Variants in TRPM3 observed in about 807,000 individuals in gnomAD.
TRPM3 encodes long transient receptor potential channel 3.
Under a neutral mutation model 181.2 loss-of-function variants are expected in TRPM3, and 77 were observed. The ratio of observed to expected loss-of-function variants is 0.42; its 90% confidence interval spans 0.35 to 0.51. The LOEUF (loss-of-function observed/expected upper bound fraction) is 0.51. Among genes scored for constraint, TRPM3 ranks in the 20% least tolerant of loss-of-function variants. The probability of loss-of-function intolerance (pLI) is 0.01; values close to 1 mark genes in which losing one functional copy is unlikely to be tolerated. For missense variants in TRPM3, 1,759 were observed against 2,196.7 expected (o/e 0.80, Z 3.98); for synonymous variants, 745 against 796.4 (o/e 0.94, Z 1.09).
At chr9:70,787,763 C>CTTTTTTTTTTTTTTTTTTTTTTTCTTTTT in intron 6 of TRPM3, among the ~76,000 whole-genome samples, 1 of 68,558 alleles carries the variant, frequency 1.5e-5, no homozygotes, top group Non-Finnish European at 2.6e-5. Context: ...TTTTTGGATT[C>CTTTTTTTTTTTTTTTTTTTTTTTCTTTTT]TTTTTTTTTT....
chr9:71,359,401 C>T (rs1284838666), intron 1 of TRPM3, among the ~76,000 whole-genome samples: 1 of 152,188 alleles, frequency 6.6e-6, no homozygotes, highest in Non-Finnish European at 1.5e-5. Context: ...GTTACTGAAA[C>T]CTTCACAGAA....
intron 1 of TRPM3, among the ~76,000 whole-genome samples, chr9:71,372,135 T>A (rs1323653327): frequency 6.6e-6 from 1 of 152,192 alleles, no homozygotes; most frequent in Non-Finnish European, 1.5e-5. Context: ...ACTCCATCCA[T>A]GTCCCTGCAA....
At chr9:71,151,774 A>G (rs369492308) in intron 1 of TRPM3, among the ~76,000 whole-genome samples, 1 of 152,118 alleles carries the variant, frequency 6.6e-6, no homozygotes, top group Non-Finnish European at 1.5e-5. Context: ...AGTAGCCACT[A>G]AAAAAGAATA....
chr9:70,841,587 C>T lies in TRPM3; in HGVS notation c.801+1416G>A, dbSNP rs112904710. Among the ~76,000 whole-genome samples, 708 of 136,510 alleles carry T rather than the reference C, an allele frequency of 5.2e-3. 10 individuals carry two copies. Among genetic ancestry groups the T allele is most frequent in the African/African-American group, 0.018 (662 of 36,542 alleles). The allele number at this position is 136,510 out of a possible 152,430, so 89.6% of individuals were successfully genotyped here. On this transcript the variant is annotated intron_variant, in intron 5 of 25. Coordinates refer to ENST00000677713, the MANE Select transcript of TRPM3 (RefSeq NM_001366145.2). ...AAAATATGGAATCAAACTAAGTGTC[C>T]ATCAATGGAGGATTGGATATATATA...
At chr9:70,984,847 A>T (rs1363967204) in intron 1 of TRPM3, among the ~76,000 whole-genome samples, 1 of 152,224 alleles carries the variant, frequency 6.6e-6, no homozygotes, top group South Asian at 2.1e-4. Context: ...TTAAGCCACT[A>T]CATTTGTGGT....
rs1436328019 is a variant in TRPM3 at position 70,917,273 on chromosome 9, T to C, written c.178-52762A>G. On this transcript the variant is annotated intron_variant, in intron 1 of 25. Coordinates refer to ENST00000677713, the MANE Select transcript of TRPM3 (RefSeq NM_001366145.2). ...AGTTATCATAAACACCAATTCAGCA[T>C]AGTCAATTAGGAAGCGAAAGTGGTA... is the stretch of plus-strand genomic sequence containing the variant. The C allele has an allele frequency of 9.5e-6, 14 of 1,469,512 alleles. No homozygotes were observed. In the East Asian group the frequency reaches 2.0e-4, roughly 21 times the overall value. 91.0% of individuals were successfully genotyped at this position (1,469,512 alleles called of 1,614,324 possible).
chr9:70,835,883 T>C (rs1367209426), intron 5 of TRPM3, among the ~76,000 whole-genome samples: 1 of 152,000 alleles, frequency 6.6e-6, no homozygotes, highest in Non-Finnish European at 1.5e-5. Flanking sequence ...GTGGCCTAGG[T>C]TTAAATCCCA....
intron 1 of TRPM3, among the ~76,000 whole-genome samples, chr9:71,026,912 T>A (rs1050604243): frequency 6.6e-6 from 1 of 152,190 alleles, no homozygotes; most frequent in Admixed American, 6.5e-5. Context: ...AGATGCTGCA[T>A]GGTGGCTGGG....
chr9:71,159,829 T>C (rs1587707059), intron 1 of TRPM3, among the ~76,000 whole-genome samples: 2 of 152,278 alleles, frequency 1.3e-5, no homozygotes, highest in South Asian at 4.1e-4. Context: ...ATGTTGACTC[T>C]GTCTGCTGAG....
At chr9:71,121,037 C>T (rs2073539592) in intron 1 of TRPM3, 141 bp downstream of exon 1, 3 of 722,554 alleles carry the variant, frequency 4.2e-6, no homozygotes, top group Non-Finnish European at 6.6e-6. Context: ...TACTGAGAAC[C>T]TCTCTCCAGC....
At chr9:71,357,465 G>A (rs931231931) in intron 1 of TRPM3, among the ~76,000 whole-genome samples, 7 of 152,048 alleles carry the variant, frequency 4.6e-5, no homozygotes, top group Non-Finnish European at 8.8e-5. Context: ...ACTGAAATTC[G>A]TAGCAGTTCT....
chr9:71,192,436 T>C (rs1371832150), intron 1 of TRPM3, among the ~76,000 whole-genome samples: 1 of 151,946 alleles, frequency 6.6e-6, no homozygotes, highest in Non-Finnish European at 1.5e-5. Context: ...CTTTTGACAT[T>C]TTGATAACAG....
chr9:71,305,996 C>T (rs922578914), intron 1 of TRPM3, among the ~76,000 whole-genome samples: 2 of 152,110 alleles, frequency 1.3e-5, no homozygotes, highest in African/African-American at 4.8e-5. Flanking sequence ...ACTAAACTTT[C>T]CCATTCTCTA....
At chr9:71,334,116 A>T (rs1588540425) in intron 1 of TRPM3, among the ~76,000 whole-genome samples, 1 of 151,808 alleles carries the variant, frequency 6.6e-6, no homozygotes, top group East Asian at 1.9e-4. Flanking sequence ...TAACATGCCA[A>T]CAGAGATGGT....
intron 22 of TRPM3, among the ~76,000 whole-genome samples, chr9:70,556,234 C>A: frequency 6.8e-6 from 1 of 146,376 alleles, no homozygotes; most frequent in African/African-American, 2.5e-5. Flanking sequence ...AGCTTAATAT[C>A]TTTTTTTTTT....
chr9:70,898,896 C>T (rs1175606256), intron 1 of TRPM3, among the ~76,000 whole-genome samples: 1 of 152,104 alleles, frequency 6.6e-6, no homozygotes, highest in Non-Finnish European at 1.5e-5. Flanking sequence ...TGAACCTGAA[C>T]CCTTTCTGGG....
chr9:70,921,692 G>A (rs147057719), intron 1 of TRPM3, among the ~76,000 whole-genome samples: 195 of 152,160 alleles, frequency 1.3e-3, no homozygotes, highest in East Asian at 4.8e-3. Context: ...CCATTTCTCC[G>A]TTCTTGTGCA....
At chr9:71,117,702 T>C in intron 1 of TRPM3, among the ~76,000 whole-genome samples, 1 of 152,206 alleles carries the variant, frequency 6.6e-6, no homozygotes, top group East Asian at 1.9e-4. Flanking sequence ...ATTCTATTTC[T>C]GACATTGCTT....
Position 70,793,477 on chromosome 9 carries a change from T to A in TRPM3, c.974-9198A>T, listed in dbSNP as rs1475810386. 4.7e-3 allele frequency: 667 copies of A among 141,842 alleles called. 2 individuals are homozygous for A. Among genetic ancestry groups the A allele is most frequent in the African/African-American group, 0.014 (522 of 37,912 alleles). 8.8% of individuals were successfully genotyped at this position (141,842 alleles called of 1,614,324 possible). On this transcript the variant is annotated intron_variant, in intron 6 of 25. Coordinates refer to ENST00000677713, the MANE Select transcript of TRPM3 (RefSeq NM_001366145.2). Reference sequence around the variant, plus strand: ...TCTCAAAAAAAAAAAAAAATATATATATATATATATATATAAAACACATAT... The same window carrying A: ...TCTCAAAAAAAAAAAAAAATATATAAATATATATATATATAAAACACATAT...
Sources: gnomAD v4.1 joint callset for allele counts (sites outside exome capture counted in the v4.1 genomes callset) on GRCh38, gnomAD v4.1.1 for gene constraint, MANE v1.5 for transcripts, NCBI Gene and HGNC (gene_info 2026-07-23, HGNC 2026-07-21) for gene names.